LMX1A: variants seen among roughly 807,000 people sequenced by gnomAD.
LMX1A encodes the protein LIM homeobox transcription factor 1 alpha.
A neutral mutation model predicts 49.1 loss-of-function variants in LMX1A; 15 were observed. The observed-to-expected ratio is 0.31, with a 90% CI of 0.20 to 0.47. LMX1A has a LOEUF of 0.47. LMX1A is among the 20% of genes least tolerant of loss of function. The pLI is 1.00. For missense variants in LMX1A, 372 were observed against 475.8 expected, an observed-to-expected ratio of 0.78 and a Z score of 2.03; for synonymous variants, 167 against 185.7, an observed-to-expected ratio of 0.90 and a Z score of 0.82.
chr1:165,346,815 C>A lies in LMX1A; in HGVS notation c.263+6261G>T, dbSNP rs560404671. Among the ~76,000 whole-genome samples the A allele has an allele frequency of 8.8e-4, 134 of 152,300 alleles. 2 individuals are homozygous for A. The South Asian group carries it at 0.028, about 31-fold the overall frequency. On this transcript the variant is annotated intron_variant, in intron 3 of 8. Coordinates refer to ENST00000342310, the MANE Select transcript of LMX1A (RefSeq NM_177398.4). ...ATGTAGCAAGATTACAGTGTTTACA[C>A]CTCCTTTTTAGCCGATATAGCTCTA...
intron 3 of LMX1A, among the ~76,000 whole-genome samples, chr1:165,283,633 C>T (rs1386559778): frequency 6.6e-6 from 1 of 152,182 alleles, no homozygotes; most frequent in African/African-American, 2.4e-5. Context: ...ACATACCCTG[C>T]ATAGCATTGC....
chr1:165,227,552 C>T (rs12135349), intron 4 of LMX1A, among the ~76,000 whole-genome samples: 1,663 of 148,912 alleles, frequency 0.011, 13 homozygotes, highest in Middle Eastern at 0.061. Flanking sequence ...ATAATACATA[C>T]GTACATACAT....
chr1:165,314,173 C>T (rs1655154880), intron 3 of LMX1A, among the ~76,000 whole-genome samples: 1 of 152,318 alleles, frequency 6.6e-6, no homozygotes, highest in East Asian at 1.9e-4. Flanking sequence ...ATGGAACATT[C>T]CTAAGGGTGG....
At chr1:165,270,302 C>T (rs1318971738) in intron 3 of LMX1A, among the ~76,000 whole-genome samples, 1 of 152,160 alleles carries the variant, frequency 6.6e-6, no homozygotes, top group Non-Finnish European at 1.5e-5. Context: ...GACTCATACC[C>T]CCCATAAAAT....
intron 3 of LMX1A, among the ~76,000 whole-genome samples, chr1:165,347,046 G>A (rs745309028): frequency 1.3e-5 from 2 of 152,144 alleles, no homozygotes; most frequent in South Asian, 2.1e-4. Flanking sequence ...CAATGATAAC[G>A]TAACTAATTT....
At chr1:165,275,847 ATGTGTG>A (rs529022372) in intron 3 of LMX1A, among the ~76,000 whole-genome samples, 237 of 139,058 alleles carry the variant, frequency 1.7e-3, no homozygotes, top group Middle Eastern at 3.6e-3. Context: ...GTGTGTGTGT[ATGTGTG>A]TGTGTGTGTG....
intron 3 of LMX1A, among the ~76,000 whole-genome samples, chr1:165,275,311 T>C (rs114252125): frequency 0.052 from 7,906 of 152,290 alleles, 295 homozygotes; most frequent in Middle Eastern, 0.085. Context: ...TGCTGATTAA[T>C]ACATTAATGG....
chr1:165,350,993 T>C (rs1656410318), intron 3 of LMX1A, among the ~76,000 whole-genome samples: 1 of 152,206 alleles, frequency 6.6e-6, no homozygotes, highest in Non-Finnish European at 1.5e-5. Context: ...CTGACCCTCC[T>C]GGGCTAATAA....
chr1:165,327,576 C>T (rs536001858), intron 3 of LMX1A, among the ~76,000 whole-genome samples: 6 of 152,320 alleles, frequency 3.9e-5, no homozygotes, highest in East Asian at 1.9e-4. Flanking sequence ...ACAAAGGCAG[C>T]GATTCCTCCA....
intron 3 of LMX1A, among the ~76,000 whole-genome samples, chr1:165,333,214 A>G (rs1384073701): frequency 1.3e-5 from 2 of 152,162 alleles, no homozygotes; most frequent in Non-Finnish European, 2.9e-5. Flanking sequence ...TTGCCCAGCA[A>G]CGGAGCGATC....
chr1:165,292,188 A>C (rs1010779386), intron 3 of LMX1A, among the ~76,000 whole-genome samples: 3 of 152,166 alleles, frequency 2.0e-5, no homozygotes, highest in African/African-American at 7.2e-5. Context: ...AAAGTGAACC[A>C]ACAGTAAAAA....
At chr1:165,343,201 T>A (rs1233355897) in intron 3 of LMX1A, among the ~76,000 whole-genome samples, 1 of 152,122 alleles carries the variant, frequency 6.6e-6, no homozygotes, top group East Asian at 1.9e-4. Flanking sequence ...GTACTATCAT[T>A]ATCCCTGTTT....
chr1:165,257,061 T>G (rs1571183431), intron 3 of LMX1A, among the ~76,000 whole-genome samples: 1 of 152,270 alleles, frequency 6.6e-6, no homozygotes, highest in East Asian at 1.9e-4. Context: ...AGGGGGCTTG[T>G]GGAGGACAGG....
At chr1:165,340,681 T>C (rs1295841920) in intron 3 of LMX1A, among the ~76,000 whole-genome samples, 3 of 152,216 alleles carry the variant, frequency 2.0e-5, no homozygotes, top group Non-Finnish European at 4.4e-5. Flanking sequence ...CTTTCACAAC[T>C]GCCTCCTGGA....
chr1:165,311,914 T>C (rs1655088857), intron 3 of LMX1A, among the ~76,000 whole-genome samples: 1 of 152,192 alleles, frequency 6.6e-6, no homozygotes, highest in African/African-American at 2.4e-5. Context: ...AACTCGCAGC[T>C]TTGCAGTGAC....
chr1:165,329,020 A>G (rs994189962), intron 3 of LMX1A, among the ~76,000 whole-genome samples: 5 of 152,240 alleles, frequency 3.3e-5, no homozygotes, highest in African/African-American at 1.2e-4. Flanking sequence ...ACTGCTATGA[A>G]GAACTTCCCT....
chr1:165,287,126 T>C (rs1654323336), intron 3 of LMX1A, among the ~76,000 whole-genome samples: 1 of 152,194 alleles, frequency 6.6e-6, no homozygotes, highest in Non-Finnish European at 1.5e-5. Flanking sequence ...AACTACCTAA[T>C]TATCTGCACT....
intron 4 of LMX1A, among the ~76,000 whole-genome samples, chr1:165,228,855 C>A (rs1652138962): frequency 6.6e-6 from 1 of 152,148 alleles, no homozygotes; most frequent in Non-Finnish European, 1.5e-5. Context: ...TTAAAGGAAA[C>A]TTACTCCAGG....
At chr1:165,228,470 T>C (rs1423308493) in intron 4 of LMX1A, among the ~76,000 whole-genome samples, 1 of 152,196 alleles carries the variant, frequency 6.6e-6, no homozygotes. Context: ...GTTCTAAAAG[T>C]CAACAGTTGT....
Sources: allele counts gnomAD v4.1 joint callset (sites outside exome capture counted in the v4.1 genomes callset), GRCh38; gene constraint gnomAD v4.1.1; transcripts MANE v1.5; gene names NCBI Gene and HGNC (gene_info 2026-07-23, HGNC 2026-07-21).